The following KAT6B variants were observed in gnomAD, a reference collection of about 807,000 sequenced individuals.
KAT6B encodes lysine acetyltransferase 6B.
KAT6B carries 10 observed loss-of-function variants against 187.5 expected under a neutral mutation model. The ratio of observed to expected loss-of-function variants is 0.05; its 90% confidence interval spans 0.03 to 0.09. The LOEUF is 0.09. KAT6B is among the 10% of genes least tolerant of loss of function. KAT6B has a pLI of 1.00. For missense variants in KAT6B, 1,952 were observed against 2,558.9 expected (o/e 0.76, Z 5.12); for synonymous variants, 861 against 926.8 (o/e 0.93, Z 1.29).
intron 3 of KAT6B, among the ~76,000 whole-genome samples, chr10:74,852,961 G>T (rs1842571781): frequency 6.6e-6 from 1 of 152,066 alleles, no homozygotes; most frequent in African/African-American, 2.4e-5. Flanking sequence ...CTATTTGCTG[G>T]TTTATTCTGA....
intron 3 of KAT6B, among the ~76,000 whole-genome samples, chr10:74,882,000 C>A (rs895179096): frequency 8.0e-4 from 121 of 152,152 alleles, no homozygotes; most frequent in African/African-American, 2.8e-3. Context: ...CCGAGGTTGA[C>A]CTAGAAAGCA....
chr10:74,856,931 A>G (rs1459807616), intron 3 of KAT6B, among the ~76,000 whole-genome samples: 1 of 152,002 alleles, frequency 6.6e-6, no homozygotes, highest in African/African-American at 2.4e-5. Flanking sequence ...AAAATACTGT[A>G]TGGGGGATGT....
chr10:74,944,010 C>G (rs1849900041), intron 3 of KAT6B, among the ~76,000 whole-genome samples: 1 of 152,146 alleles, frequency 6.6e-6, no homozygotes, highest in African/African-American at 2.4e-5. Context: ...CAGGAAGCAG[C>G]TACGGATAAA....
chr10:75,029,545 A>G lies in KAT6B; in HGVS notation c.4721A>G (p.Asn1574Ser). The change falls in exon 18 of 18, where the codon AAC becomes AGC. Residue 1574 changes from asparagine to serine, a missense_variant. By Grantham distance (46) the Asn-to-Ser change is conservative. Transcript: ENST00000287239. This position sits in a 1 kb window ranked among gnomAD's most constrained non-coding sequence, Gnocchi z 6.2. Reference sequence around the variant, plus strand: ...CAAGAGGCCTGTAGAAGCCTACAGAACTACACCCGTGCAGACCAAAGTCCA... The same window carrying G: ...CAAGAGGCCTGTAGAAGCCTACAGAGCTACACCCGTGCAGACCAAAGTCCA... ...ETQEACRSLQNYTRADQSPQI... is the reference protein window; with the variant it reads ...ETQEACRSLQSYTRADQSPQI... The G allele has an allele frequency of 6.2e-7, 1 of 1,614,074 alleles. No homozygotes were observed. The highest frequency in any genetic ancestry group is 8.5e-7 in the Non-Finnish European group (1 of 1,179,996).
At position 74,976,113 on chromosome 10, in the gene KAT6B, T is replaced by C; in HGVS notation, c.1776T>C (p.Asp592=). The C allele has an allele frequency of 6.2e-7, 1 of 1,614,222 alleles. No homozygotes were observed. The highest frequency in any genetic ancestry group is 8.5e-7 in the Non-Finnish European group (1 of 1,180,042). ...AAGCCCACTTCTTTGGCAAAAGAGA[T>C]ATTAGAAGTCGGTTTATTTCTCACT... is the stretch of plus-strand genomic sequence containing the variant. ...KSKAHFFGKR[D]IRSRFISHSS... Residue 592 remains aspartate (D), a synonymous_variant, in exon 8 of 18, where the codon GAT becomes GAC. Coordinates refer to ENST00000287239, the MANE Select transcript of KAT6B (RefSeq NM_012330.4).
intron 4 of KAT6B, among the ~76,000 whole-genome samples, chr10:74,965,770 G>C (rs559288135): frequency 1.3e-5 from 2 of 150,790 alleles, no homozygotes; most frequent in East Asian, 3.9e-4. Context: ...CTGATGCCCA[G>C]GCTGGAGTGC....
chr10:74,871,104 A>T, intron 3 of KAT6B, among the ~76,000 whole-genome samples: 1 of 128,582 alleles, frequency 7.8e-6, no homozygotes. Flanking sequence ...CTGGTCTCAA[A>T]CTCCTGACCT....
chr10:74,946,433 A>C (rs1839954118), intron 3 of KAT6B, among the ~76,000 whole-genome samples: 1 of 152,226 alleles, frequency 6.6e-6, no homozygotes, highest in Admixed American at 6.5e-5. Context: ...TATTCTAAAA[A>C]ATAATGTTCA....
At chr10:75,004,011 T>TA (rs1008510020) in intron 13 of KAT6B, among the ~76,000 whole-genome samples, 16 of 152,144 alleles carry the variant, frequency 1.1e-4, no homozygotes, top group African/African-American at 2.6e-4. Context: ...TGTTTTGCCT[T>TA]ACATAGCTCA....
chr10:74,901,954 C>CA (rs1846430120), intron 3 of KAT6B, among the ~76,000 whole-genome samples: 1 of 152,074 alleles, frequency 6.6e-6, no homozygotes, highest in South Asian at 2.1e-4. Flanking sequence ...TGTCAGAAAT[C>CA]AAAGAAGTGC....
At chr10:75,021,771 C>T in intron 15 of KAT6B, 110 bp from the exon 16 acceptor site, 1 of 1,096,056 alleles carries the variant, frequency 9.1e-7, no homozygotes, top group Non-Finnish European at 1.4e-6. Flanking sequence ...GCTTGGCTGG[C>T]TGGCTGTCCT....
chr10:74,843,324 C>T lies in KAT6B; in HGVS notation c.467C>T (p.Ala156Val). The change falls in exon 3 of 18, where the codon GCC becomes GTC. Residue 156 changes from alanine to valine, a missense_variant. Physicochemically the swap from Ala to Val is moderately conservative, Grantham distance 64 (BLOSUM62 0). Transcript: ENST00000287239. ...TTTCAGCAGCGGCTGCGACTGGGGG[C>T]CAAACGCGCTGTGAATAATGGGAGG... ...PAFQQRLRLGAKRAVNNGRLL... is the reference protein window; with the variant it reads ...PAFQQRLRLGVKRAVNNGRLL... 1.2e-6 allele frequency: 2 copies of T among 1,613,510 alleles called. No homozygotes were observed. The highest frequency in any genetic ancestry group is 1.7e-6 in the Non-Finnish European group (2 of 1,179,724).
At position 75,020,431 on chromosome 10, in the gene KAT6B, A is replaced by G. The variant is rs1000941937; in HGVS notation, c.2630-151A>G. The G allele has an allele frequency of 1.3e-4, 85 of 667,300 alleles. No homozygotes were observed. In the African/African-American group the frequency reaches 1.3e-3, roughly 10 times the overall value. 41.3% of individuals were successfully genotyped at this position (667,300 alleles called of 1,614,324 possible). On this transcript the variant is annotated intron_variant, in intron 13 of 17. Transcript: ENST00000287239. The stretch of plus-strand genomic sequence containing the variant: ...TAAACTTCACGGAGATCAAATCACT[A>G]TAACTGGGAAGAGGCTACATTCCTA...
intron 3 of KAT6B, among the ~76,000 whole-genome samples, chr10:74,917,749 GTCTTAAA>G (rs1380188078): frequency 6.6e-6 from 1 of 152,208 alleles, no homozygotes; most frequent in Admixed American, 6.5e-5. Context: ...ATTGATCTGG[GTCTTAAA>G]GAATGGGGAA....
intron 3 of KAT6B, among the ~76,000 whole-genome samples, chr10:74,880,073 AAAG>A (rs1471229927): frequency 6.6e-6 from 1 of 152,232 alleles, no homozygotes; most frequent in Non-Finnish European, 1.5e-5. Context: ...GATTAAAAAA[AAAG>A]AGACATAATT....
intron 13 of KAT6B, among the ~76,000 whole-genome samples, chr10:75,013,555 T>A (rs891512983): frequency 2.6e-5 from 4 of 152,190 alleles, no homozygotes; most frequent in South Asian, 2.1e-4. Context: ...CTGTCTCTGT[T>A]GTTTCCCTTC....
chr10:74,929,002 A>G (rs893792775), intron 3 of KAT6B, among the ~76,000 whole-genome samples: 7 of 152,098 alleles, frequency 4.6e-5, no homozygotes, highest in African/African-American at 1.7e-4. Flanking sequence ...CATGGTCAAG[A>G]TTTGTTTAGT....
intron 1 of KAT6B, among the ~76,000 whole-genome samples, 193 bp downstream of exon 1, chr10:74,826,978 C>T (rs1840300311): frequency 6.8e-6 from 1 of 146,140 alleles, no homozygotes; most frequent in African/African-American, 2.5e-5. Flanking sequence ...AGGGACAGGC[C>T]CCGCCCCTCG....
intron 13 of KAT6B, among the ~76,000 whole-genome samples, chr10:75,012,384 C>T (rs367805364): frequency 1.3e-5 from 2 of 152,220 alleles, no homozygotes; most frequent in East Asian, 3.9e-4. Flanking sequence ...AAAGTTGAGG[C>T]TGCAGTGAAC....
Sources: gnomAD v4.1 joint callset for allele counts (sites outside exome capture counted in the v4.1 genomes callset) on GRCh38, gnomAD v4.1.1 for gene constraint, Gnocchi (gnomAD v3.1) non-coding constraint, MANE v1.5 for transcripts, NCBI Gene and HGNC (gene_info 2026-07-23, HGNC 2026-07-21) for gene names.